The following ORC6 variants were observed in gnomAD, a reference collection of about 807,000 sequenced individuals.
ORC6 encodes the protein origin recognition complex, subunit 6 homolog-like (yeast).
A neutral mutation model predicts 30.0 loss-of-function variants in ORC6; 31 were observed. The observed-to-expected ratio is 1.03, with a 90% CI of 0.78 to 1.40. ORC6 has a LOEUF of 1.40. ORC6 is among the 40% of genes most tolerant of loss of function. ORC6 has a pLI of 0.00. For missense variants in ORC6, 340 were observed against 304.3 expected (o/e 1.12, Z -0.87); for synonymous variants, 136 against 111.2 (o/e 1.22, Z -1.40).
chr16:46,693,062 A>G, intron 3 of ORC6, 31 bp from the exon 4 acceptor site: 1 of 1,374,994 alleles, frequency 7.3e-7, no homozygotes, highest in Non-Finnish European at 1.0e-6. Context: ...ATATTTTCTA[A>G]CAGATAATTC....
chr16:46,692,472 A>G lies in ORC6; in HGVS notation c.286A>G (p.Ile96Val), dbSNP rs937842346. 10 of 1,613,550 alleles carry G rather than the reference A, an allele frequency of 6.2e-6. No individual in the cohort carries two copies. In the African/African-American group the frequency reaches 8.0e-5, roughly 13 times the overall value. Residue 96 changes from isoleucine (I) to valine (V), a missense_variant, in exon 3 of 7, where the codon ATT becomes GTT. Transcript: ENST00000219097. ...FECLLGLNSN[I>V]GIRDLAVQFS... ...GTGTTTACTGGGCCTGAATTCAAAT[A>G]TTGGAATAAGAGACCTAGCTGTACA...
At chr16:46,696,283 C>T in intron 6 of ORC6, 198 bp downstream of exon 6, 1 of 614,498 alleles carries the variant, frequency 1.6e-6, no homozygotes. Flanking sequence ...TGGTCTGGCA[C>T]AGTGGCTTAT....
At chr16:46,694,678 A>C (rs1355425322) in intron 4 of ORC6, among the ~76,000 whole-genome samples, 2 of 152,076 alleles carry the variant, frequency 1.3e-5, no homozygotes, top group Non-Finnish European at 2.9e-5. Flanking sequence ...AAAAAAACAA[A>C]ACACTGGCTA....
chr16:46,697,713 C>A lies in ORC6; in HGVS notation c.*128C>A. The A allele has an allele frequency of 9.5e-7, 1 of 1,053,874 alleles. No homozygotes were observed. The highest frequency in any genetic ancestry group is 1.5e-6 in the Non-Finnish European group (1 of 689,400). The allele number at this position is 1,053,874 out of a possible 1,614,324, so 65.3% of individuals were successfully genotyped here. A position where few individuals can be genotyped will look rare whatever the true frequency, so the allele number is the denominator to read the frequency against. Reference sequence around the variant, plus strand: ...TCCTAAGACTGTTGCCTTTAAATAGCAAAGCAGCCTACCTGGAGGCTAAGT... The same window carrying A: ...TCCTAAGACTGTTGCCTTTAAATAGAAAAGCAGCCTACCTGGAGGCTAAGT... On this transcript the variant is annotated 3_prime_UTR_variant, in exon 7 of 7. Transcript: ENST00000219097.
chr16:46,689,802 C>A (rs115482842), intron 1 of ORC6, 32 bp downstream of exon 1: 1 of 1,562,114 alleles, frequency 6.4e-7, no homozygotes, highest in Non-Finnish European at 8.6e-7. Flanking sequence ...CAGGGCTGGG[C>A]TTCCGCCTCG....
At chr16:46,694,488 G>A (rs1382052697) in intron 4 of ORC6, 1 of 144,290 alleles carries the variant, frequency 6.9e-6, no homozygotes, top group African/African-American at 2.5e-5. Context: ...CGGGCGGGGG[G>A]GCTGACCCCC....
At chr16:46,694,553 C>T (rs1287451270) in intron 4 of ORC6, 2 of 142,106 alleles carry the variant, frequency 1.4e-5, no homozygotes, top group Non-Finnish European at 3.1e-5. Context: ...ACCCCCCCAC[C>T]TCCCTCCCGG....
Position 46,698,138 on chromosome 16 carries a change from G to A in ORC6, c.*553G>A, listed in dbSNP as rs1184696478. On this transcript the variant is annotated 3_prime_UTR_variant, in exon 7 of 7. Transcript: ENST00000219097. ...CATAAATAAATAGATAGATACTCCA[G>A]CCTGGGTGACAGAGCGAGACTTATA... The A allele has an allele frequency of 3.0e-5, 13 of 430,990 alleles. No individual in the cohort carries two copies. Among genetic ancestry groups the A allele is most frequent in the South Asian group, 1.9e-4 (12 of 62,864 alleles). 26.7% of individuals were successfully genotyped at this position (430,990 alleles called of 1,614,324 possible).
intron 4 of ORC6, chr16:46,693,806 C>CTTTTT (rs1194005655): frequency 4.3e-5 from 2 of 46,078 alleles, no homozygotes; most frequent in Non-Finnish European, 9.0e-5. Flanking sequence ...AACACTGTCT[C>CTTTTT]TTTTTTTTTT....
At position 46,691,013 on chromosome 16, in the gene ORC6, C is replaced by T; in HGVS notation, c.88C>T (p.Leu30=). The T allele has an allele frequency of 6.2e-7, 1 of 1,614,238 alleles. No individual in the cohort carries two copies. The highest frequency in any genetic ancestry group is 8.5e-7 in the Non-Finnish European group (1 of 1,180,036). ...CAGGAAAGCAGAGGAGTACTTGCGC[C>T]TGTCCCGGGTGAAGTGTGTCGGCCT... ...MLRKAEEYLR[L]SRVKCVGLSA... Residue 30 remains leucine, a synonymous_variant, in exon 2 of 7, where the codon CTG becomes TTG. Coordinates refer to ENST00000219097, the MANE Select transcript of ORC6 (RefSeq NM_014321.4).
Position 46,692,506 on chromosome 16 carries a change from G to C in ORC6, c.320G>C (p.Cys107Ser). 1 of 1,613,868 alleles carries C rather than the reference G, an allele frequency of 6.2e-7. No homozygotes were observed. The highest frequency in any genetic ancestry group is 8.5e-7 in the Non-Finnish European group (1 of 1,179,756). Residue 107 changes from cysteine (C) to serine (S), a missense_variant, in exon 3 of 7, where the codon TGT becomes TCT. By Grantham distance (112) the Cys-to-Ser change is moderately radical. Transcript: ENST00000219097. ...AGAGACCTAGCTGTACAGTTTAGCT[G>C]TATAGAAGCAGTGAACATGGCTTCA... ...GIRDLAVQFS[C>S]IEAVNMASKI...
At chr16:46,695,080 G>A (rs916842894) in intron 4 of ORC6, 1 of 179,748 alleles carries the variant, frequency 5.6e-6, no homozygotes, top group Middle Eastern at 2.9e-3. Flanking sequence ...ACCATATTAC[G>A]CTGAGTAAGA....
chr16:46,692,092 G>T (rs1966451737), intron 2 of ORC6, among the ~76,000 whole-genome samples: 1 of 151,588 alleles, frequency 6.6e-6, no homozygotes, highest in South Asian at 2.1e-4. Flanking sequence ...GTTTCCTGTG[G>T]TTTTTTACTG....
At chr16:46,692,240 A>G (rs1966453715) in intron 2 of ORC6, 142 bp from the exon 3 acceptor site, 1 of 662,154 alleles carries the variant, frequency 1.5e-6, no homozygotes, top group Non-Finnish European at 2.6e-6. Context: ...TTTTGACTAA[A>G]TGAAGCTAAA....
At chr16:46,692,054 T>C (rs937893265) in intron 2 of ORC6, among the ~76,000 whole-genome samples, 29 of 151,678 alleles carry the variant, frequency 1.9e-4, no homozygotes, top group Admixed American at 7.9e-4. Flanking sequence ...GTTAGCACCT[T>C]TGTATAAACA....
intron 4 of ORC6, chr16:46,693,684 C>G (rs1966477423): frequency 6.0e-6 from 1 of 165,556 alleles, no homozygotes; most frequent in Non-Finnish European, 1.3e-5. Context: ...GCCTCCAGTC[C>G]TGGCTTCTCA....
At chr16:46,693,455 ATC>A in intron 4 of ORC6, 2 of 514,820 alleles carry the variant, frequency 3.9e-6, no homozygotes, top group South Asian at 4.3e-5. Context: ...AAGAGATGAT[ATC>A]TGTCATTAAA....
Position 46,693,118 on chromosome 16 carries a change from C to A in ORC6, c.385C>A (p.Gln129Lys). 1 of 1,611,840 alleles carries A rather than the reference C, an allele frequency of 6.2e-7. No homozygotes were observed. The highest frequency in any genetic ancestry group is 8.5e-7 in the Non-Finnish European group (1 of 1,177,882). The part of the protein sequence containing the change: ...KSYESSLPQT[Q>K]QVDLDLSRPL... ...CTATGAGTCCAGTCTTCCCCAGACA[C>A]AGCAAGTGGATCTTGACTTATCCAG... is the stretch of plus-strand genomic sequence containing the variant. The change falls in exon 4 of 7, where the codon CAG (glutamine) becomes AAG (lysine). Residue 129 changes from glutamine to lysine, a missense_variant. Coordinates refer to ENST00000219097, the MANE Select transcript of ORC6 (RefSeq NM_014321.4).
At position 46,689,780 on chromosome 16, in the gene ORC6, G is replaced by T; in HGVS notation, c.65+10G>T. 6.3e-7 allele frequency: 1 copy of T among 1,587,590 alleles called. No individual in the cohort carries two copies. ...AGCCCGACATGCTGAGGTGAGTTCG[G>T]CCGCGCAAGACCAGGGCTGGGCTTC... On this transcript the variant is annotated intron_variant, in intron 1 of 6. Transcript: ENST00000219097.
Sources: allele counts gnomAD v4.1 joint callset (sites outside exome capture counted in the v4.1 genomes callset), GRCh38; gene constraint gnomAD v4.1.1; transcripts MANE v1.5; gene names NCBI Gene and HGNC (gene_info 2026-07-23, HGNC 2026-07-21).